ARAP2: variants seen among roughly 807,000 people sequenced by gnomAD.
ARAP2 encodes the protein ArfGAP with RhoGAP domain, ankyrin repeat and PH domain 2.
ARAP2 carries 148 observed loss-of-function variants against 194.5 expected under a neutral mutation model. The observed-to-expected ratio is 0.76, with a 90% CI of 0.67 to 0.87. ARAP2 has a LOEUF of 0.87. ARAP2 is among the 40% of genes least tolerant of loss of function. ARAP2 has a pLI of 0.00. For synonymous variants in ARAP2, 695 were observed against 683.5 expected, an observed-to-expected ratio of 1.02 and a Z score of -0.26; for missense variants, 2,128 against 1,989.7, an observed-to-expected ratio of 1.07 and a Z score of -1.32.
intron 1 of ARAP2, among the ~76,000 whole-genome samples, chr4:36,235,743 C>T (rs1011137835): frequency 5.9e-5 from 9 of 152,116 alleles, no homozygotes; most frequent in African/African-American, 1.2e-4. Flanking sequence ...TAGTATGGAG[C>T]GGATTGATTT....
Position 36,114,144 on chromosome 4 carries a change from GAATCCCTAGCATAAA to G in ARAP2, c.4156+11_4156+25del. On this transcript the variant is annotated intron_variant, in intron 26 of 32. Transcript: ENST00000303965. ...ACTTTTTACAGTATAAGTAATTTAA[GAATCCCTAGCATAAA>G]AATCACTTACCTAGCTCTTCATTTT... 1 of 1,423,330 alleles carries G rather than the reference GAATCCCTAGCATAAA, an allele frequency of 7.0e-7. No individual in the cohort carries two copies. Among genetic ancestry groups the G allele is most frequent in the Non-Finnish European group, 9.9e-7 (1 of 1,014,430 alleles). 88.2% of individuals were successfully genotyped at this position (1,423,330 alleles called of 1,614,324 possible). A position where few individuals can be genotyped will look rare whatever the true frequency, so the allele number is the denominator to read the frequency against.
At chr4:36,063,646 A>G (rs1204295868), downstream of ARAP2, among the ~76,000 whole-genome samples, 1 of 152,102 alleles carries the variant, frequency 6.6e-6, no homozygotes, top group African/African-American at 2.4e-5. Flanking sequence ...CCGACTTAAA[A>G]TGGTACTTTA....
chr4:36,194,134 CTGAACAAATA>C (rs2109921494), intron 6 of ARAP2, among the ~76,000 whole-genome samples: 1 of 152,064 alleles, frequency 6.6e-6, no homozygotes, highest in African/African-American at 2.4e-5. Flanking sequence ...TGAAAAAGAC[CTGAACAAATA>C]TACAGAATCA....
At chr4:36,110,714 C>T (rs2109484185) in intron 26 of ARAP2, among the ~76,000 whole-genome samples, 1 of 151,864 alleles carries the variant, frequency 6.6e-6, no homozygotes, top group East Asian at 1.9e-4. Context: ...AATCTGACTA[C>T]CATATAAAGA....
chr4:36,194,431 T>C (rs4833125), intron 6 of ARAP2, among the ~76,000 whole-genome samples: 68,033 of 152,054 alleles, frequency 0.45, 17,164 homozygotes, highest in East Asian at 0.81. Flanking sequence ...ACACAGAAAA[T>C]ATACGAAAAC....
intron 2 of ARAP2, among the ~76,000 whole-genome samples, chr4:36,055,548 A>C (rs1443161210): frequency 6.6e-6 from 1 of 151,848 alleles, no homozygotes; most frequent in African/African-American, 2.4e-5. Context: ...TCAGGTACTT[A>C]TTTTTATTTT....
chr4:36,112,916 G>T (rs1720393380), intron 26 of ARAP2, among the ~76,000 whole-genome samples: 1 of 151,774 alleles, frequency 6.6e-6, no homozygotes, highest in Non-Finnish European at 1.5e-5. Context: ...AAAAATAGAA[G>T]AGATTATCTA....
At chr4:36,221,058 C>T (rs1320974264) in intron 2 of ARAP2, among the ~76,000 whole-genome samples, 1 of 152,066 alleles carries the variant, frequency 6.6e-6, no homozygotes, top group Non-Finnish European at 1.5e-5. Flanking sequence ...CATATTTTTA[C>T]TGTACCTTTT....
intron 2 of ARAP2, among the ~76,000 whole-genome samples, chr4:36,053,126 C>G (rs1336673577): frequency 2.6e-5 from 4 of 151,854 alleles, no homozygotes; most frequent in Non-Finnish European, 5.9e-5. Flanking sequence ...TCTGCCTCAG[C>G]CTCCTGAGTA....
intron 9 of ARAP2, among the ~76,000 whole-genome samples, chr4:36,011,248 T>C (rs531366687): frequency 1.3e-5 from 2 of 152,108 alleles, no homozygotes; most frequent in Non-Finnish European, 2.9e-5. Context: ...CTGTAAAACC[T>C]CAACCACCAT....
At chr4:36,032,931 C>T (rs1377057307) in intron 5 of ARAP2, among the ~76,000 whole-genome samples, 1 of 152,102 alleles carries the variant, frequency 6.6e-6, no homozygotes, top group African/African-American at 2.4e-5. Flanking sequence ...GCAATATTTG[C>T]CTTTCTGTTC....
chr4:36,166,156 G>C (rs922777656), intron 10 of ARAP2, among the ~76,000 whole-genome samples: 12 of 152,028 alleles, frequency 7.9e-5, no homozygotes, highest in Admixed American at 5.9e-4. Context: ...TGCAAAATGA[G>C]TAACTACAAT....
intron 7 of ARAP2, among the ~76,000 whole-genome samples, chr4:36,191,393 AG>A (rs1404417759): frequency 6.6e-6 from 1 of 152,110 alleles, no homozygotes; most frequent in Non-Finnish European, 1.5e-5. Context: ...ATAGTTAACA[AG>A]TAAATATTTC....
At chr4:36,203,381 C>A (rs1202371105) in intron 6 of ARAP2, among the ~76,000 whole-genome samples, 1 of 151,898 alleles carries the variant, frequency 6.6e-6, no homozygotes, top group Non-Finnish European at 1.5e-5. Context: ...GTCAGGAGAT[C>A]AAGACCAGCC....
chr4:36,219,138 C>T (rs1170133327), intron 2 of ARAP2, among the ~76,000 whole-genome samples: 1 of 152,098 alleles, frequency 6.6e-6, no homozygotes, highest in Non-Finnish European at 1.5e-5. Context: ...CAAATTCATA[C>T]AACTACTTTA....
In ARAP2 at chr4:36,130,429, C is replaced by T. The variant is rs143547210; in HGVS notation, c.3428-1684G>A. Reference sequence around the variant, plus strand: ...AATACCACAAAGCTCCCAGCACAAACTTTGTGACTCGATACCTTGGCACAC... The same window carrying T: ...AATACCACAAAGCTCCCAGCACAAATTTTGTGACTCGATACCTTGGCACAC... On this transcript the variant is annotated intron_variant, in intron 20 of 32. Coordinates refer to ENST00000303965, the MANE Select transcript of ARAP2 (RefSeq NM_015230.4). Among the ~76,000 whole-genome samples, 52 of 151,986 alleles carry T rather than the reference C, an allele frequency of 3.4e-4. 1 individual carries two copies. The highest frequency in any genetic ancestry group is 9.9e-4 in the Admixed American group (15 of 15,210).
At chr4:36,060,780 C>T (rs1189195532) in intron 1 of ARAP2, among the ~76,000 whole-genome samples, 1 of 152,056 alleles carries the variant, frequency 6.6e-6, no homozygotes, top group African/African-American at 2.4e-5. Flanking sequence ...GGCCTTTCCT[C>T]TGTGGCTGGG....
At chr4:36,112,553 C>T (rs1720289522) in intron 26 of ARAP2, among the ~76,000 whole-genome samples, 1 of 151,800 alleles carries the variant, frequency 6.6e-6, no homozygotes, top group African/African-American at 2.4e-5. Flanking sequence ...CCAAGTGACC[C>T]ATTCTTTAAA....
At chr4:36,129,246 G>A (rs550490666) in intron 20 of ARAP2, among the ~76,000 whole-genome samples, 18 of 151,932 alleles carry the variant, frequency 1.2e-4, no homozygotes, top group Non-Finnish European at 2.4e-4. Flanking sequence ...CAAATAAAAG[G>A]AGCAGTGGTT....
Sources: allele counts gnomAD v4.1 joint callset (sites outside exome capture counted in the v4.1 genomes callset), GRCh38; gene constraint gnomAD v4.1.1; transcripts MANE v1.5; gene names NCBI Gene and HGNC (gene_info 2026-07-23, HGNC 2026-07-21).